The following HECTD2 variants were observed in gnomAD, a reference collection of about 807,000 sequenced individuals.
HECTD2 encodes the protein HECT domain E3 ubiquitin protein ligase 2, also known as probable E3 ubiquitin-protein ligase HECTD2.
HECTD2 carries 35 observed loss-of-function variants against 103.2 expected under a neutral mutation model. That is an observed-to-expected ratio of 0.34 (90% CI 0.26 to 0.45). The LOEUF is 0.45. HECTD2 is among the 20% of genes least tolerant of loss of function. HECTD2 has a pLI of 1.00. For synonymous variants in HECTD2, 281 were observed against 329.9 expected (o/e 0.85, Z 1.61); for missense variants, 596 against 937.4 (o/e 0.64, Z 4.76).
At chr10:91,454,163 C>T (rs1311904410) in intron 2 of HECTD2, among the ~76,000 whole-genome samples, 1 of 152,052 alleles carries the variant, frequency 6.6e-6, no homozygotes, top group East Asian at 1.9e-4. Context: ...TAGAATACCT[C>T]AGTGCCACCA....
chr10:91,451,039 A>G (rs1481027832), intron 2 of HECTD2, among the ~76,000 whole-genome samples: 1 of 152,018 alleles, frequency 6.6e-6, no homozygotes, highest in East Asian at 1.9e-4. Flanking sequence ...CCAAAGGATG[A>G]TAAATCATTC....
At chr10:91,438,191 T>C (rs1026708592) in intron 2 of HECTD2, among the ~76,000 whole-genome samples, 4 of 152,066 alleles carry the variant, frequency 2.6e-5, no homozygotes, top group Non-Finnish European at 4.4e-5. Flanking sequence ...CATCAACCCG[T>C]CATCTACATT....
At chr10:91,449,765 C>T (rs1218918620) in intron 2 of HECTD2, among the ~76,000 whole-genome samples, 1 of 152,056 alleles carries the variant, frequency 6.6e-6, no homozygotes, top group African/African-American at 2.4e-5. Flanking sequence ...TCATGAGTGA[C>T]CCCCATTCAC....
chr10:91,479,314 G>A (rs915250445), intron 6 of HECTD2, among the ~76,000 whole-genome samples: 1 of 152,090 alleles, frequency 6.6e-6, no homozygotes, highest in African/African-American at 2.4e-5. Context: ...TTTAATGTAT[G>A]TCTTTTTAGT....
At chr10:91,449,176 A>G (rs56097320) in intron 2 of HECTD2, among the ~76,000 whole-genome samples, 30,494 of 152,042 alleles carry the variant, frequency 0.2, 7,269 homozygotes, top group African/African-American at 0.58. Flanking sequence ...AAGCTCATCT[A>G]CCACGTGAGA....
chr10:91,428,357 C>T (rs1297506316), intron 2 of HECTD2, among the ~76,000 whole-genome samples: 4 of 150,480 alleles, frequency 2.7e-5, no homozygotes, highest in Admixed American at 6.6e-5. Flanking sequence ...CTTGGCGATG[C>T]GGGCTCTTTT....
chr10:91,504,306 G>A (rs1847047502), intron 20 of HECTD2, among the ~76,000 whole-genome samples: 1 of 152,176 alleles, frequency 6.6e-6, no homozygotes, highest in Admixed American at 6.5e-5. Context: ...AGAGAAGAAG[G>A]CTTCAGATGA....
At chr10:91,429,162 T>A (rs1424952230) in intron 2 of HECTD2, among the ~76,000 whole-genome samples, 1 of 151,954 alleles carries the variant, frequency 6.6e-6, no homozygotes, top group African/African-American at 2.4e-5. Context: ...TTGGTTCTGT[T>A]TATATGCTGG....
At chr10:91,496,914 A>C (rs1846687917) in intron 15 of HECTD2, among the ~76,000 whole-genome samples, 1 of 151,600 alleles carries the variant, frequency 6.6e-6, no homozygotes, top group Non-Finnish European at 1.5e-5. Flanking sequence ...TCTATTTTTA[A>C]ATCTTTATTT....
intron 11 of HECTD2, among the ~76,000 whole-genome samples, chr10:91,490,443 C>A (rs182477076): frequency 6.6e-6 from 1 of 152,170 alleles, no homozygotes; most frequent in East Asian, 1.9e-4. Flanking sequence ...TACATGTTGA[C>A]AAGTCACTTT....
At chr10:91,428,881 T>C (rs1363929228) in intron 2 of HECTD2, among the ~76,000 whole-genome samples, 1 of 151,886 alleles carries the variant, frequency 6.6e-6, no homozygotes, top group Non-Finnish European at 1.5e-5. Flanking sequence ...CCTTCTCCTG[T>C]CTAATTGCCC....
chr10:91,482,854 T>A, intron 7 of HECTD2, 113 bp from the exon 8 acceptor site: 1 of 492,398 alleles, frequency 2.0e-6, no homozygotes, highest in East Asian at 3.5e-5. Context: ...TTATTGTTAT[T>A]TTATAATCTC....
At chr10:91,494,167 A>G (rs1846579015) in intron 14 of HECTD2, among the ~76,000 whole-genome samples, 1 of 152,028 alleles carries the variant, frequency 6.6e-6, no homozygotes, top group Admixed American at 6.6e-5. Flanking sequence ...AGGGAAGAGT[A>G]AATAAATAAG....
intron 5 of HECTD2, among the ~76,000 whole-genome samples, chr10:91,473,089 T>C (rs1462194531): frequency 6.6e-6 from 1 of 152,148 alleles, no homozygotes; most frequent in Non-Finnish European, 1.5e-5. Flanking sequence ...GAGTTTCCCA[T>C]AACTGATGTA....
intron 6 of HECTD2, 69 bp downstream of exon 6, chr10:91,478,334 C>A: frequency 1.1e-6 from 1 of 920,712 alleles, no homozygotes; most frequent in Non-Finnish European, 1.8e-6. Context: ...ATATCTTTAA[C>A]ACATGTGTAT....
At chr10:91,461,138 T>G in intron 3 of HECTD2, 116 bp from the exon 4 acceptor site, 1 of 526,730 alleles carries the variant, frequency 1.9e-6, no homozygotes, top group Non-Finnish European at 3.4e-6. Flanking sequence ...CTGGGACATA[T>G]TTCTTTATTT....
At chr10:91,441,885 GCTTT>G (rs1440212921) in intron 2 of HECTD2, among the ~76,000 whole-genome samples, 15 of 109,250 alleles carry the variant, frequency 1.4e-4, no homozygotes, top group Non-Finnish European at 2.7e-4. Flanking sequence ...TGCAACCCTT[GCTTT>G]TTTTTTTTTT....
At chr10:91,479,903 TATC>T (rs1846031942) in intron 6 of HECTD2, among the ~76,000 whole-genome samples, 1 of 152,150 alleles carries the variant, frequency 6.6e-6, no homozygotes, top group African/African-American at 2.4e-5. Context: ...CTTAACATTT[TATC>T]ATTTGTTGCT....
At chr10:91,502,135 G>T (rs545175366) in intron 20 of HECTD2, among the ~76,000 whole-genome samples, 8 of 151,842 alleles carry the variant, frequency 5.3e-5, no homozygotes, top group Non-Finnish European at 1.2e-4. Flanking sequence ...TCATATTTCC[G>T]TGGGAAATAA....
Sources: allele counts gnomAD v4.1 joint callset (sites outside exome capture counted in the v4.1 genomes callset), GRCh38; gene constraint gnomAD v4.1.1; transcripts MANE v1.5; gene names NCBI Gene and HGNC (gene_info 2026-07-23, HGNC 2026-07-21).